HEPHL1: variants seen among roughly 807,000 people sequenced by gnomAD.
HEPHL1 encodes the protein hephaestin like 1.
HEPHL1 carries 123 observed loss-of-function variants against 122.0 expected under a neutral mutation model. The ratio of observed to expected loss-of-function variants is 1.01; its 90% confidence interval spans 0.87 to 1.17. The LOEUF (loss-of-function observed/expected upper bound fraction) is 1.17. Among genes scored for constraint, HEPHL1 ranks in the 50% most tolerant of loss-of-function variants. The probability of loss-of-function intolerance (pLI) is 0.00; values close to 1 mark genes in which losing one functional copy is unlikely to be tolerated. For synonymous variants in HEPHL1, 527 were observed against 508.9 expected (o/e 1.04, Z -0.48); for missense variants, 1,452 against 1,430.5 (o/e 1.01, Z -0.24).
intron 9 of HEPHL1, among the ~76,000 whole-genome samples, chr11:94,080,406 A>C (rs1361072855): frequency 6.6e-6 from 1 of 152,228 alleles, no homozygotes; most frequent in Non-Finnish European, 1.5e-5. Context: ...TCATGATGAA[A>C]ATGTCAAAAG....
At position 94,041,289 on chromosome 11, in the gene HEPHL1, C is replaced by G. The variant is rs909682781; in HGVS notation, c.171-4384C>G. ...GGAAGAATCAATATCGTGAAAATGG[C>G]CATACTGCCCAAGGTAATTTACAGA... On this transcript the variant is annotated intron_variant, in intron 1 of 19. Coordinates refer to ENST00000315765, the MANE Select transcript of HEPHL1 (RefSeq NM_001098672.2). Among the ~76,000 whole-genome samples, 1,471 of 148,186 alleles carry G rather than the reference C, an allele frequency of 9.9e-3. 27 individuals are homozygous for G. The highest frequency in any genetic ancestry group is 0.035 in the African/African-American group (1,402 of 39,958).
chr11:94,036,428 G>A (rs1479128856), intron 1 of HEPHL1, among the ~76,000 whole-genome samples: 1 of 152,114 alleles, frequency 6.6e-6, no homozygotes, highest in African/African-American at 2.4e-5. Flanking sequence ...TGCTGAGAGG[G>A]GTGAGGGATG....
intron 11 of HEPHL1, among the ~76,000 whole-genome samples, chr11:94,087,906 A>G (rs1304153560): frequency 6.6e-6 from 1 of 152,238 alleles, no homozygotes; most frequent in Non-Finnish European, 1.5e-5. Flanking sequence ...ATACCTCTGT[A>G]CATTGTAGAA....
chr11:94,049,008 C>A (rs1241275591), intron 2 of HEPHL1, among the ~76,000 whole-genome samples: 1 of 152,028 alleles, frequency 6.6e-6, no homozygotes, highest in Non-Finnish European at 1.5e-5. Context: ...ATAACCCCAG[C>A]TACTTGGGAG....
intron 2 of HEPHL1, chr11:94,055,691 C>A (rs542683956): frequency 2.6e-5 from 10 of 387,306 alleles, no homozygotes; most frequent in African/African-American, 1.0e-4. Context: ...GGCTGGAAGA[C>A]AATGCACTCT....
chr11:94,028,835 A>C (rs1945647696), intron 1 of HEPHL1, among the ~76,000 whole-genome samples: 3 of 152,226 alleles, frequency 2.0e-5, no homozygotes, highest in Non-Finnish European at 4.4e-5. Context: ...TTTCTTGGGC[A>C]AATTTGCATT....
At chr11:94,078,263 G>A (rs564815194) in intron 9 of HEPHL1, among the ~76,000 whole-genome samples, 2 of 152,040 alleles carry the variant, frequency 1.3e-5, no homozygotes, top group East Asian at 3.9e-4. Flanking sequence ...GAAAATTCCA[G>A]TGCAACCTCA....
intron 2 of HEPHL1, among the ~76,000 whole-genome samples, chr11:94,052,629 C>T (rs998201282): frequency 1.3e-5 from 2 of 151,954 alleles, no homozygotes; most frequent in Non-Finnish European, 2.9e-5. Context: ...ATTGTTTTAG[C>T]TGGGACTGGA....
chr11:94,089,493 C>G (rs1946247048), intron 12 of HEPHL1, among the ~76,000 whole-genome samples: 1 of 152,154 alleles, frequency 6.6e-6, no homozygotes, highest in Admixed American at 6.5e-5. Context: ...GGCCCTGTGC[C>G]CAGAAAGTCT....
intron 2 of HEPHL1, among the ~76,000 whole-genome samples, chr11:94,056,124 G>C (rs754305871): frequency 6.6e-6 from 1 of 151,942 alleles, no homozygotes; most frequent in African/African-American, 2.4e-5. Flanking sequence ...CTTTTATCGC[G>C]ACAAAATATC....
intron 1 of HEPHL1, among the ~76,000 whole-genome samples, chr11:94,045,203 G>T (rs573813763): frequency 6.6e-6 from 1 of 152,230 alleles, no homozygotes; most frequent in Admixed American, 6.5e-5. Flanking sequence ...ACTATGCCTG[G>T]CCTCCCTGAA....
At chr11:94,100,873 C>T (rs1334933487) in intron 13 of HEPHL1, among the ~76,000 whole-genome samples, 1 of 152,156 alleles carries the variant, frequency 6.6e-6, no homozygotes, top group East Asian at 1.9e-4. Flanking sequence ...TTATCTTATT[C>T]AACCCTTACT....
At position 94,063,645 on chromosome 11, in the gene HEPHL1, G is replaced by A. The variant is rs1946006652; in HGVS notation, c.553G>A (p.Val185Met). Residue 185 changes from valine to methionine, a missense_variant, in exon 3 of 20, where the codon GTG (valine) becomes ATG (methionine). Transcript: ENST00000315765. ...AGCCGATGCCAACTGCCTGACCTGG[G>A]TGTACCATTCGCACATCGACGCCCC... The part of the protein sequence containing the change: ...TPADANCLTW[V>M]YHSHIDAPKD... 8.1e-6 allele frequency: 13 copies of A among 1,613,876 alleles called. No homozygotes were observed. The highest frequency in any genetic ancestry group is 2.2e-5 in the East Asian group (1 of 44,880).
intron 4 of HEPHL1, 41 bp from the exon 5 acceptor site, chr11:94,067,455 C>T (rs1193591566): frequency 3.7e-6 from 6 of 1,602,866 alleles, no homozygotes; most frequent in African/African-American, 2.7e-5. Context: ...CCAGTCGCCT[C>T]TGCAGGGGAG....
intron 2 of HEPHL1, among the ~76,000 whole-genome samples, chr11:94,051,966 T>C (rs1945893749): frequency 6.6e-6 from 1 of 152,134 alleles, no homozygotes; most frequent in Non-Finnish European, 1.5e-5. Context: ...TGGATTTATT[T>C]CCAGGTTCTC....
chr11:94,060,998 A>AT (rs1945982153), intron 2 of HEPHL1, among the ~76,000 whole-genome samples: 1 of 152,156 alleles, frequency 6.6e-6, no homozygotes, highest in Non-Finnish European at 1.5e-5. Context: ...CAACATAAAT[A>AT]AATGGATGCA....
At chr11:94,037,706 G>A (rs925963154) in intron 1 of HEPHL1, among the ~76,000 whole-genome samples, 12 of 152,096 alleles carry the variant, frequency 7.9e-5, no homozygotes, top group Admixed American at 3.3e-4. Context: ...CATCCACACC[G>A]AATACCCATC....
In HEPHL1 at chr11:94,100,100, C is replaced by T. The variant is rs545656973; in HGVS notation, c.2435-1095C>T. Among the ~76,000 whole-genome samples, 7 of 152,288 alleles carry T rather than the reference C, an allele frequency of 4.6e-5. No homozygotes were observed. The South Asian group carries it at 8.3e-4, about 18-fold the overall frequency. Reference sequence around the variant, plus strand: ...TGCAGAAATCACCTGTCTTCTGCGTCGCTCACACTGGGAGCTGTAGACTGG... The same window carrying T: ...TGCAGAAATCACCTGTCTTCTGCGTTGCTCACACTGGGAGCTGTAGACTGG... On this transcript the variant is annotated intron_variant, in intron 13 of 19. Transcript: ENST00000315765.
intron 2 of HEPHL1, among the ~76,000 whole-genome samples, chr11:94,054,292 G>T (rs1945916724): frequency 6.6e-6 from 1 of 152,052 alleles, no homozygotes; most frequent in Non-Finnish European, 1.5e-5. Flanking sequence ...TATTTGAGAG[G>T]GACCAAAATT....
Sources: gnomAD v4.1 joint callset for allele counts (sites outside exome capture counted in the v4.1 genomes callset) on GRCh38, gnomAD v4.1.1 for gene constraint, MANE v1.5 for transcripts, NCBI Gene and HGNC (gene_info 2026-07-23, HGNC 2026-07-21) for gene names.